The following CTNNA3 variants were observed in gnomAD, a reference collection of about 807,000 sequenced individuals.
CTNNA3 encodes the protein catenin alpha 3.
CTNNA3 carries 76 observed loss-of-function variants against 95.7 expected under a neutral mutation model. The ratio of observed to expected loss-of-function variants is 0.79; its 90% CI spans 0.66 to 0.96. The LOEUF (loss-of-function observed/expected upper bound fraction) is 0.96, where lower values mean the gene tolerates loss of function less well. Ranked by LOEUF, CTNNA3 falls within the 40% of genes least tolerant of loss-of-function variation. CTNNA3 has a pLI of 0.00. For synonymous variants in CTNNA3, 431 were observed against 374.4 expected (o/e 1.15, Z -1.74); for missense variants, 1,191 against 1,089.8 (o/e 1.09, Z -1.31).
chr10:67,632,485 C>T (rs1360153960), intron 2 of CTNNA3, among the ~76,000 whole-genome samples: 2 of 152,046 alleles, frequency 1.3e-5, no homozygotes, highest in Non-Finnish European at 2.9e-5. Flanking sequence ...CTGAAGTATC[C>T]AGGTTCTTGC....
chr10:66,116,725 C>A (rs2082355390), intron 13 of CTNNA3, among the ~76,000 whole-genome samples: 1 of 152,078 alleles, frequency 6.6e-6, no homozygotes, highest in Admixed American at 6.6e-5. Context: ...CTCACAATTC[C>A]ACAGGCTGTG....
intron 10 of CTNNA3, among the ~76,000 whole-genome samples, chr10:66,546,771 G>T (rs556215598): frequency 8.5e-5 from 13 of 152,260 alleles, no homozygotes; most frequent in Admixed American, 3.3e-4. Flanking sequence ...CTCTTGACAC[G>T]TGGAAATTAT....
At chr10:67,046,867 G>C (rs541042767) in intron 7 of CTNNA3, among the ~76,000 whole-genome samples, 44 of 152,260 alleles carry the variant, frequency 2.9e-4, no homozygotes, top group African/African-American at 8.7e-4. Flanking sequence ...GGAATTAAGG[G>C]TCCAAAGAAA....
intron 13 of CTNNA3, among the ~76,000 whole-genome samples, chr10:66,229,655 C>T (rs936482956): frequency 2.6e-5 from 4 of 152,032 alleles, no homozygotes; most frequent in Admixed American, 2.6e-4. Context: ...TTTTTAGATT[C>T]TCCCCTTGTC....
chr10:67,428,769 G>A (rs552440882), intron 5 of CTNNA3, among the ~76,000 whole-genome samples: 1 of 151,908 alleles, frequency 6.6e-6, no homozygotes, highest in African/African-American at 2.4e-5. Context: ...TATAAAGCAG[G>A]CAGAAAAATG....
At chr10:67,079,082 A>C (rs765244429) in intron 7 of CTNNA3, among the ~76,000 whole-genome samples, 4 of 152,242 alleles carry the variant, frequency 2.6e-5, no homozygotes, top group Non-Finnish European at 5.9e-5. Context: ...ATAATTCATA[A>C]TATCTGGGAG....
At chr10:66,307,443 C>T (rs2091949859) in intron 12 of CTNNA3, among the ~76,000 whole-genome samples, 1 of 152,086 alleles carries the variant, frequency 6.6e-6, no homozygotes, top group South Asian at 2.1e-4. Flanking sequence ...AGTTTTTAGT[C>T]ATGATTCTAA....
intron 12 of CTNNA3, among the ~76,000 whole-genome samples, chr10:66,328,403 G>A (rs2092282694): frequency 6.6e-6 from 1 of 151,998 alleles, no homozygotes; most frequent in African/African-American, 2.4e-5. Context: ...AGACACCTGA[G>A]CATGCTGAAG....
rs140775965 is a variant in CTNNA3, at chr10:66,928,820, TAC to T, written c.1048-153298_1048-153297del. ...GTTAGCCTCCTGGTGGGACCAAATC[TAC>T]AGTTATAGAAGGTTTGCACCTCACT... On this transcript the variant is annotated intron_variant, in intron 7 of 17. Coordinates refer to ENST00000433211, the MANE Select transcript of CTNNA3 (RefSeq NM_013266.4). 6.3e-3 allele frequency among the ~76,000 whole-genome samples: 952 copies of T among 152,288 alleles called. 9 individuals are homozygous for T. The highest frequency in any genetic ancestry group is 0.022 in the African/African-American group (915 of 41,566).
intron 13 of CTNNA3, among the ~76,000 whole-genome samples, chr10:66,159,632 T>G (rs1245076963): frequency 2.7e-5 from 4 of 150,266 alleles, no homozygotes; most frequent in Admixed American, 2.7e-4. Flanking sequence ...TTCTGTTTTT[T>G]TTTTTTTTTT....
intron 5 of CTNNA3, among the ~76,000 whole-genome samples, chr10:67,466,529 T>C (rs1847601718): frequency 1.3e-5 from 2 of 152,194 alleles, no homozygotes; most frequent in African/African-American, 4.8e-5. Context: ...AACTGAGACA[T>C]ATTTTTCTCC....
intron 7 of CTNNA3, among the ~76,000 whole-genome samples, chr10:66,900,853 A>C (rs942279503): frequency 2.6e-5 from 4 of 152,236 alleles, no homozygotes; most frequent in Admixed American, 1.3e-4. Context: ...AAATGAACAA[A>C]GTCTCCAAGA....
intron 3 of CTNNA3, among the ~76,000 whole-genome samples, chr10:67,547,394 C>A (rs995759175): frequency 6.6e-6 from 1 of 152,172 alleles, no homozygotes; most frequent in Admixed American, 6.5e-5. Context: ...TCAGCCTCAA[C>A]AAAGTTCTAT....
At chr10:66,423,979 A>G (rs1442111657) in intron 11 of CTNNA3, among the ~76,000 whole-genome samples, 1 of 152,172 alleles carries the variant, frequency 6.6e-6, no homozygotes, top group Non-Finnish European at 1.5e-5. Context: ...TTTATTGACC[A>G]CTTGGCAACT....
chr10:66,125,168 GAAC>G (rs1459469025), intron 13 of CTNNA3, among the ~76,000 whole-genome samples: 2 of 152,098 alleles, frequency 1.3e-5, no homozygotes, highest in African/African-American at 4.8e-5. Flanking sequence ...TCTAAAAAAA[GAAC>G]ATCAGAGAAG....
At chr10:67,551,954 T>C (rs900145815) in intron 3 of CTNNA3, among the ~76,000 whole-genome samples, 1 of 151,838 alleles carries the variant, frequency 6.6e-6, no homozygotes, top group African/African-American at 2.4e-5. Context: ...AAAGGAGCAA[T>C]GAAAAATTTT....
intron 11 of CTNNA3, among the ~76,000 whole-genome samples, chr10:66,427,125 T>C (rs945145226): frequency 3.3e-5 from 5 of 151,938 alleles, no homozygotes; most frequent in Admixed American, 3.3e-4. Context: ...TTTTAAAAAT[T>C]GTAACTCTAC....
chr10:66,004,425 T>C (rs1311700081), intron 15 of CTNNA3, among the ~76,000 whole-genome samples: 1 of 152,084 alleles, frequency 6.6e-6, no homozygotes, highest in East Asian at 1.9e-4. Flanking sequence ...TGAAAAGAGA[T>C]AGATCTAAGG....
chr10:67,236,864 A>G (rs1865487251), intron 5 of CTNNA3, among the ~76,000 whole-genome samples: 1 of 151,312 alleles, frequency 6.6e-6, no homozygotes, highest in Admixed American at 6.6e-5. Flanking sequence ...ATCAGGGAAC[A>G]TTTCTACACT....
Sources: allele counts gnomAD v4.1 joint callset (sites outside exome capture counted in the v4.1 genomes callset), GRCh38; gene constraint gnomAD v4.1.1; transcripts MANE v1.5; gene names NCBI Gene and HGNC (gene_info 2026-07-23, HGNC 2026-07-21).